STT3A: variants seen among roughly 807,000 people sequenced by gnomAD.
STT3A encodes the protein dolichyl-diphosphooligosaccharide--protein glycosyltransferase subunit STT3A.
STT3A carries 34 observed loss-of-function variants against 89.2 expected under a neutral mutation model. The observed-to-expected ratio is 0.38, with a 90% CI of 0.29 to 0.51. STT3A has a LOEUF of 0.51. Among genes scored for constraint, STT3A ranks in the 20% least tolerant of loss-of-function variants. The pLI is 0.89. For missense variants in STT3A, 555 were observed against 889.5 expected (o/e 0.62, Z 4.78); for synonymous variants, 282 against 310.3 (o/e 0.91, Z 0.96).
At position 125,608,171 on chromosome 11, in the gene STT3A, C is replaced by T. The variant is rs1233551550; in HGVS notation, c.843C>T (p.Ala281=). The change falls in exon 9 of 18, where the codon GCC becomes GCT. Residue 281 remains alanine, a synonymous_variant. Coordinates refer to ENST00000392708, the MANE Select transcript of STT3A (RefSeq NM_152713.5). ...TCTTTGGTCTCTGCCAGATCCATGC[C>T]TTTGTGGATTACCTGCGCAGCAAGT... is the stretch of plus-strand genomic sequence containing the variant. ...FGVFGLCQIH[A]FVDYLRSKLN... is the part of the protein sequence containing the mutation. The T allele has an allele frequency of 1.9e-6, 3 of 1,614,074 alleles. No individual in the cohort carries two copies. The highest frequency in any genetic ancestry group is 3.3e-5 in the Admixed American group (2 of 59,998).
chr11:125,595,455 C>T (rs1406381874), intron 1 of STT3A, among the ~76,000 whole-genome samples: 2 of 152,090 alleles, frequency 1.3e-5, no homozygotes, highest in Non-Finnish European at 2.9e-5. Flanking sequence ...ATGTTTATTT[C>T]CTGCTTCCCC....
At chr11:125,599,254 A>C (rs1939600304) in intron 3 of STT3A, among the ~76,000 whole-genome samples, 1 of 152,214 alleles carries the variant, frequency 6.6e-6, no homozygotes, top group South Asian at 2.1e-4. Flanking sequence ...AGAAGGATAG[A>C]GATTTCTGCC....
chr11:125,620,870 A>ATTTTTTTTT lies in STT3A; in HGVS notation c.*73_*81dup. On this transcript the variant is annotated 3_prime_UTR_variant, in exon 18 of 18. Coordinates refer to ENST00000392708, the MANE Select transcript of STT3A (RefSeq NM_152713.5). Reference sequence around the variant, plus strand: ...GCACATCACATTTAGGACGTTGAAGATTTTTTTTTTTTTTTTTTTTTAATA... The same window carrying ATTTTTTTTT: ...GCACATCACATTTAGGACGTTGAAGATTTTTTTTTTTTTTTTTTTTTTTTTTTTTTAATA... 2 of 892,554 alleles carry ATTTTTTTTT rather than the reference A, an allele frequency of 2.2e-6. No individual in the cohort carries two copies. Among genetic ancestry groups the ATTTTTTTTT allele is most frequent in the Non-Finnish European group, 3.2e-6 (2 of 633,256 alleles). The allele number at this position is 892,554 out of a possible 1,614,324, so 55.3% of individuals were successfully genotyped here. A position where few individuals can be genotyped will look rare whatever the true frequency, so the allele number is the denominator to read the frequency against.
At chr11:125,602,702 C>A in intron 4 of STT3A, 101 bp from the exon 5 acceptor site, 1 of 1,474,942 alleles carries the variant, frequency 6.8e-7, no homozygotes, top group South Asian at 1.3e-5. Flanking sequence ...GGTGATTTGT[C>A]AAGACTTACA....
chr11:125,607,957 A>G, intron 8 of STT3A, 152 bp from the exon 9 acceptor site: 2 of 690,896 alleles, frequency 2.9e-6, no homozygotes, highest in Non-Finnish European at 4.5e-6. Flanking sequence ...TGGCTGGTGA[A>G]TTAAACCCTT....
intron 5 of STT3A, 48 bp downstream of exon 5, chr11:125,602,996 C>A: frequency 6.2e-7 from 1 of 1,606,788 alleles, no homozygotes; most frequent in Non-Finnish European, 8.5e-7. Context: ...TGTTATTGAG[C>A]CTCTCTAATC....
intron 1 of STT3A, 46 bp from the exon 2 acceptor site, chr11:125,595,835 A>T (rs1261907654): frequency 2.2e-6 from 2 of 889,398 alleles, no homozygotes; most frequent in Non-Finnish European, 3.7e-6. Context: ...AAATTAAGTA[A>T]ATTGAAGGTG....
intron 5 of STT3A, among the ~76,000 whole-genome samples, chr11:125,603,893 G>A (rs1939760533): frequency 6.6e-6 from 1 of 152,192 alleles, no homozygotes; most frequent in African/African-American, 2.4e-5. Flanking sequence ...GGACAGTATT[G>A]ATGTTTGACA....
chr11:125,593,599 C>T (rs1391847857), intron 1 of STT3A: 1 of 152,180 alleles, frequency 6.6e-6, no homozygotes, highest in Non-Finnish European at 1.5e-5. Flanking sequence ...GTGTGTGGCT[C>T]GTATCAACGC....
In STT3A at chr11:125,620,054, G is replaced by A. The variant is rs1360881607; in HGVS notation, c.2007G>A (p.Gly669=). The part of the protein sequence containing the change: ...GFDRVRNAEI[G]NKDFELDVLE... Reference sequence around the variant, plus strand: ...ACCGTGTCCGAAATGCTGAGATTGGGAATAAAGACTTTGAGCTTGATGTCC... The same window carrying A: ...ACCGTGTCCGAAATGCTGAGATTGGAAATAAAGACTTTGAGCTTGATGTCC... Residue 669 remains glycine, a synonymous_variant, in exon 17 of 18, where the codon GGG becomes GGA. Transcript: ENST00000392708. 4 of 1,614,036 alleles carry A rather than the reference G, an allele frequency of 2.5e-6. No individual in the cohort carries two copies. The East Asian group carries it at 6.7e-5, about 27-fold the overall frequency.
chr11:125,596,875 C>T (rs1176282914), intron 2 of STT3A, among the ~76,000 whole-genome samples, 184 bp from the exon 3 acceptor site: 1 of 152,136 alleles, frequency 6.6e-6, no homozygotes, highest in Non-Finnish European at 1.5e-5. Flanking sequence ...ATGCCATTGT[C>T]AGGGGAAAGT....
At chr11:125,608,006 C>CAT in intron 8 of STT3A, 103 bp from the exon 9 acceptor site, 1 of 1,261,788 alleles carries the variant, frequency 7.9e-7, no homozygotes, top group Non-Finnish European at 1.1e-6. Context: ...CCTCAGAACT[C>CAT]ATTTGACCAT....
Position 125,609,356 on chromosome 11 carries a change from T to C in STT3A, c.962-78T>C, listed in dbSNP as rs1210924985. ...TCTGTCACTGAGAATCTTATTAAAA[T>C]GGGAAGTTGTGATTCATTTGGATCA... On this transcript the variant is annotated intron_variant, in intron 9 of 17. Transcript: ENST00000392708. 3 of 1,465,338 alleles carry C rather than the reference T, an allele frequency of 2.0e-6. No individual in the cohort carries two copies. In the African/African-American group the frequency reaches 4.3e-5, roughly 21 times the overall value. The allele number at this position is 1,465,338 out of a possible 1,614,324, so 90.8% of individuals were successfully genotyped here.
In STT3A at chr11:125,607,660, AC is replaced by A. The variant is rs377032555; in HGVS notation, c.781-448del. Reference sequence around the variant, plus strand: ...CGACACTCCTACCTCCTTGGTGACTACGATGCCCACTAGCATTTGAGAACCA... The same window carrying A: ...CGACACTCCTACCTCCTTGGTGACTAGATGCCCACTAGCATTTGAGAACCA... On this transcript the variant is annotated intron_variant, in intron 8 of 17. Coordinates refer to ENST00000392708, the MANE Select transcript of STT3A (RefSeq NM_152713.5). 3.3e-4 allele frequency among the ~76,000 whole-genome samples: 50 copies of A among 152,364 alleles called. 1 individual carries two copies. In the East Asian group the frequency reaches 8.9e-3, roughly 27 times the overall value.
chr11:125,612,451 T>C, intron 11 of STT3A, 141 bp from the exon 12 acceptor site: 1 of 905,738 alleles, frequency 1.1e-6, no homozygotes, highest in Middle Eastern at 3.1e-4. Flanking sequence ...ACTGCAACTG[T>C]TTCAAGTATT....
At chr11:125,612,940 G>A in intron 12 of STT3A, 49 bp from the exon 13 acceptor site, 3 of 1,599,436 alleles carry the variant, frequency 1.9e-6, no homozygotes, top group Non-Finnish European at 2.6e-6. Context: ...CCTGTGTTGT[G>A]TGAATTTAGT....
At chr11:125,597,702 TTC>T (rs1939537160) in intron 3 of STT3A, among the ~76,000 whole-genome samples, 1 of 152,244 alleles carries the variant, frequency 6.6e-6, no homozygotes, top group Non-Finnish European at 1.5e-5. Flanking sequence ...GAAATTGGGC[TTC>T]TTAGTTAAAT....
intron 10 of STT3A, 40 bp from the exon 11 acceptor site, chr11:125,611,388 A>C (rs975334659): frequency 6.5e-7 from 1 of 1,543,598 alleles, no homozygotes; most frequent in African/African-American, 1.4e-5. Flanking sequence ...GTTTCAACCT[A>C]CAGGACTCAG....
chr11:125,614,150 A>G lies in STT3A; in HGVS notation c.1618A>G (p.Ile540Val). The change falls in exon 14 of 18, where the codon ATT becomes GTT. Residue 540 changes from isoleucine to valine, a missense_variant. Ile to Val is a conservative substitution (Grantham distance 29). Coordinates refer to ENST00000392708, the MANE Select transcript of STT3A (RefSeq NM_152713.5). The surrounding 1 kb of genome is among the most constrained non-coding windows in gnomAD (Gnocchi z 4.9). ...YQITAMANRT[I>V]LVDNNTWNNT... is the part of the protein sequence containing the mutation. Reference sequence around the variant, plus strand: ...GATTACAGCTATGGCAAACCGAACAATTTTAGTGGACAATAACACATGGAA... The same window carrying G: ...GATTACAGCTATGGCAAACCGAACAGTTTTAGTGGACAATAACACATGGAA... The G allele has an allele frequency of 1.2e-6, 2 of 1,614,178 alleles. No homozygotes were observed. The highest frequency in any genetic ancestry group is 1.7e-6 in the Non-Finnish European group (2 of 1,180,028).
Sources: allele counts gnomAD v4.1 joint callset (sites outside exome capture counted in the v4.1 genomes callset), GRCh38; gene constraint gnomAD v4.1.1; non-coding constraint Gnocchi (gnomAD v3.1); transcripts MANE v1.5; gene names NCBI Gene and HGNC (gene_info 2026-07-23, HGNC 2026-07-21).